Variants in ATG16L2 observed in about 807,000 individuals in gnomAD.
ATG16L2 encodes the protein autophagy related 16 like 2.
A neutral mutation model predicts 84.7 loss-of-function variants in ATG16L2; 77 were observed. The ratio of observed to expected loss-of-function variants is 0.91; its 90% CI spans 0.76 to 1.10. ATG16L2 has a LOEUF of 1.10. Among genes scored for constraint, ATG16L2 ranks in the 50% least tolerant of loss-of-function variants. ATG16L2 has a pLI of 0.00. For missense variants in ATG16L2, 782 were observed against 817.6 expected, an observed-to-expected ratio of 0.96 and a Z score of 0.53; for synonymous variants, 361 against 342.8, an observed-to-expected ratio of 1.05 and a Z score of -0.59.
At chr11:72,818,526 A>C (rs918465593) in intron 3 of ATG16L2, 1 of 152,078 alleles carries the variant, frequency 6.6e-6, no homozygotes, top group African/African-American at 2.4e-5. Flanking sequence ...TGCTTTTTGG[A>C]GATCACATCT....
chr11:72,825,911 C>T (rs1005310766), intron 10 of ATG16L2, among the ~76,000 whole-genome samples: 23 of 152,092 alleles, frequency 1.5e-4, no homozygotes, highest in African/African-American at 5.3e-4. Context: ...TGGCTTGCTG[C>T]GTGCTCTACA....
chr11:72,822,019 G>T lies in ATG16L2; in HGVS notation c.393-25G>T. On this transcript the variant is annotated intron_variant, in intron 4 of 17. Transcript: ENST00000321297. The surrounding 1 kb of genome is among the most constrained non-coding windows in gnomAD (Gnocchi z 4.2). The stretch of plus-strand genomic sequence containing the variant: ...CAGTGACGGGGGAAGCTTGGGACCC[G>T]CTATCCGCTCTTTCCGTCCTCCAGG... 6.7e-7 allele frequency: 1 copy of T among 1,484,392 alleles called. No individual in the cohort carries two copies. Among genetic ancestry groups the T allele is most frequent in the Non-Finnish European group, 8.8e-7 (1 of 1,131,386 alleles). 92.0% of individuals were successfully genotyped at this position (1,484,392 alleles called of 1,614,324 possible).
chr11:72,821,511 G>C (rs1190187241), intron 3 of ATG16L2, 157 bp from the exon 4 acceptor site: 2 of 1,434,114 alleles, frequency 1.4e-6, no homozygotes, highest in Non-Finnish European at 1.8e-6. Context: ...ACAGCAGCGC[G>C]TCCCTGTGCA....
At chr11:72,838,937 C>T (rs1860818854) in intron 5 of ATG16L2, 1 of 1,445,072 alleles carries the variant, frequency 6.9e-7, no homozygotes, top group East Asian at 2.4e-5. Context: ...GAAGCATCCC[C>T]AAAACCTAAT....
intron 3 of ATG16L2, among the ~76,000 whole-genome samples, chr11:72,819,569 T>TC (rs1859862910): frequency 6.6e-6 from 1 of 151,916 alleles, no homozygotes; most frequent in Admixed American, 6.6e-5. Context: ...CTAGCCTGGC[T>TC]CCCCCGTCGA....
At chr11:72,829,186 T>G (rs1342920593) in intron 17 of ATG16L2, 117 bp from the exon 18 acceptor site, 4 of 1,226,076 alleles carry the variant, frequency 3.3e-6, no homozygotes, top group South Asian at 1.4e-5. Flanking sequence ...ACTTGACAGA[T>G]GAGGAAACAG....
downstream of ATG16L2, among the ~76,000 whole-genome samples, chr11:72,834,310 A>C (rs1860670288): frequency 6.6e-6 from 1 of 152,206 alleles, no homozygotes; most frequent in Non-Finnish European, 1.5e-5. Flanking sequence ...ACAAAACCAA[A>C]AGCTGCAGCT....
At position 72,817,736 on chromosome 11, in the gene ATG16L2, C is replaced by T. The variant is rs77541177; in HGVS notation, c.219-20C>T. 6.2e-3 allele frequency: 9,956 copies of T among 1,612,418 alleles called. 445 individuals are homozygous for T. The African/African-American group carries it at 0.11, about 18-fold the overall frequency. On this transcript the variant is annotated intron_variant, in intron 2 of 17. Coordinates refer to ENST00000321297, the MANE Select transcript of ATG16L2 (RefSeq NM_033388.2). ...TGGGTGAACCGGGGGACATTGAGCA[C>T]CACTCTGATTGGTTGGCAGGGAGGA...
chr11:72,814,611 T>A (rs1859597098), intron 1 of ATG16L2, 48 bp downstream of exon 1: 6 of 1,469,346 alleles, frequency 4.1e-6, no homozygotes, highest in East Asian at 5.3e-5. Context: ...GGGACGCGGC[T>A]ACGGGCGCGG....
At chr11:72,833,227 G>A (rs930711206), downstream of ATG16L2, among the ~76,000 whole-genome samples, 2 of 152,180 alleles carry the variant, frequency 1.3e-5, no homozygotes, top group African/African-American at 4.8e-5. Flanking sequence ...AATAGAGGTG[G>A]TTTCTGGAGA....
chr11:72,823,521 C>T, intron 7 of ATG16L2: 1 of 380,202 alleles, frequency 2.6e-6, no homozygotes. Flanking sequence ...GGCGCCATTC[C>T]CCAGCCTAAC....
chr11:72,822,618 C>T lies in ATG16L2; in HGVS notation c.710+75C>T. The T allele has an allele frequency of 6.4e-7, 1 of 1,562,828 alleles. No homozygotes were observed. Among genetic ancestry groups the T allele is most frequent in the South Asian group, 1.2e-5 (1 of 86,576 alleles). ...CGCCTGCCTGCGGCGACCCAGGCTG[C>T]CGACTGTACTTGTGCACAGCCCCGT... On this transcript the variant is annotated intron_variant, in intron 6 of 17. Transcript: ENST00000321297. This position sits in a 1 kb window ranked among gnomAD's most constrained non-coding sequence, Gnocchi z 4.2.
intron 1 of ATG16L2, among the ~76,000 whole-genome samples, chr11:72,815,362 A>C (rs1234031892): frequency 6.6e-6 from 1 of 152,118 alleles, no homozygotes; most frequent in Non-Finnish European, 1.5e-5. Context: ...TAGCCAGGAA[A>C]ATTTCTCTGC....
In ATG16L2 at chr11:72,822,283, A is replaced by G. The variant is rs1384458250; in HGVS notation, c.632A>G (p.Glu211Gly). The change falls in exon 5 of 18, where the codon GAG becomes GGG. Residue 211 changes from glutamate (E) to glycine (G), a missense_variant. Transcript: ENST00000321297. This position sits in a 1 kb window ranked among gnomAD's most constrained non-coding sequence, Gnocchi z 4.2. The part of the protein sequence containing the change: ...RAAAERNLRN[E>G]RRERAKQARV... ...GCGGCCGAGCGCAACCTGCGCAACG[A>G]GCGCCGGGAGCGGTGAGGGAGCAGG... is the stretch of plus-strand genomic sequence containing the variant. 6.6e-7 allele frequency: 1 copy of G among 1,509,384 alleles called. No homozygotes were observed. The highest frequency in any genetic ancestry group is 1.4e-5 in the African/African-American group (1 of 70,388). 93.5% of individuals were successfully genotyped at this position (1,509,384 alleles called of 1,614,324 possible).
chr11:72,843,222 C>T (rs200902127), exon 6 of ATG16L2: 4 of 1,614,022 alleles, frequency 2.5e-6, no homozygotes, highest in Non-Finnish European at 3.4e-6. Context: ...GTGTGACCGA[C>T]TGTCCAAAGC....
intron 15 of ATG16L2, 53 bp downstream of exon 15, chr11:72,828,561 T>C: frequency 6.2e-7 from 1 of 1,610,632 alleles, no homozygotes; most frequent in Non-Finnish European, 8.5e-7. Flanking sequence ...CAGCTGAGCC[T>C]CTCTTCTCCT....
At position 72,826,583 on chromosome 11, in the gene ATG16L2, G is replaced by A. The variant is rs1235832272; in HGVS notation, c.1239G>A (p.Gln413=). Residue 413 remains glutamine, a synonymous_variant, in exon 12 of 18, where the codon CAG becomes CAA. Coordinates refer to ENST00000321297, the MANE Select transcript of ATG16L2 (RefSeq NM_033388.2). ...AAQLWKVGEA[Q]SKETLSGHKD... ...AGCTCTGGAAGGTGGGGGAGGCACA[G>A]TCCAAGGTGAGGCCTGACTGGGGAG... The A allele has an allele frequency of 2.5e-6, 4 of 1,614,178 alleles. No homozygotes were observed. Among genetic ancestry groups the A allele is most frequent in the Non-Finnish European group, 3.4e-6 (4 of 1,180,026 alleles).
Position 72,821,730 on chromosome 11 carries a change from G to T in ATG16L2, c.381G>T (p.Gln127His), listed in dbSNP as rs529570599. ...ALGTLESELQ[Q>H]RQSRLAALEA... is the part of the protein sequence containing the mutation. ...GCACGCTGGAGTCGGAGCTGCAGCA[G>T]AGGCAAAGCAGGTGAGGCGCGGGCG... Residue 127 changes from glutamine to histidine, a missense_variant, in exon 4 of 18, where the codon CAG becomes CAT. Coordinates refer to ENST00000321297, the MANE Select transcript of ATG16L2 (RefSeq NM_033388.2). 12 of 1,537,370 alleles carry T rather than the reference G, an allele frequency of 7.8e-6. No individual in the cohort carries two copies. In the East Asian group the frequency reaches 2.7e-4, roughly 34 times the overall value.
At chr11:72,825,190 T>C (rs1860272049) in intron 9 of ATG16L2, 112 bp from the exon 10 acceptor site, 1 of 785,302 alleles carries the variant, frequency 1.3e-6, no homozygotes, top group East Asian at 2.6e-5. Context: ...GGGAGGGAGA[T>C]ACCACGTCTG....
Sources: gnomAD v4.1 joint callset for allele counts (sites outside exome capture counted in the v4.1 genomes callset) on GRCh38, gnomAD v4.1.1 for gene constraint, Gnocchi (gnomAD v3.1) non-coding constraint, MANE v1.5 for transcripts, NCBI Gene and HGNC (gene_info 2026-07-23, HGNC 2026-07-21) for gene names.